Variants in PTPRD observed in about 807,000 individuals in gnomAD.
PTPRD encodes the protein receptor-type tyrosine-protein phosphatase delta.
Under a neutral mutation model 214.5 loss-of-function variants are expected in PTPRD, and 34 were observed. The ratio of observed to expected loss-of-function variants is 0.16; its 90% CI spans 0.12 to 0.21. The LOEUF is 0.21. Among genes scored for constraint, PTPRD ranks in the 10% least tolerant of loss-of-function variants. PTPRD has a pLI of 1.00. For missense variants in PTPRD, 2,545 were observed against 2,398.7 expected (o/e 1.06, Z -1.27); for synonymous variants, 1,128 against 845.7 (o/e 1.33, Z -5.79).
intron 5 of PTPRD, among the ~76,000 whole-genome samples, chr9:9,842,364 T>C (rs1391829049): frequency 1.4e-5 from 2 of 147,364 alleles, no homozygotes; most frequent in Non-Finnish European, 1.5e-5. Context: ...TGGTGCTGTG[T>C]AGTAACACTG....
intron 8 of PTPRD, among the ~76,000 whole-genome samples, chr9:9,445,028 T>C (rs1292868561): frequency 6.6e-6 from 1 of 152,148 alleles, no homozygotes; most frequent in South Asian, 2.1e-4. Context: ...TTTAAAAAAA[T>C]GAGTGAGCAA....
In PTPRD at chr9:8,691,396, GAAAAAAA is replaced by G. The variant is rs58521011; in HGVS notation, c.64+42377_64+42383del. On this transcript the variant is annotated intron_variant, in intron 12 of 45. Coordinates refer to ENST00000381196, the MANE Select transcript of PTPRD (RefSeq NM_002839.4). ...GATTCTGAGGCTGTTCTTCTCTAGA[GAAAAAAA>G]AAAAAAAATAGAAGAGTGCTATTAT... Among the ~76,000 whole-genome samples the G allele has an allele frequency of 3.5e-5, 4 of 113,710 alleles. No individual in the cohort carries two copies. In the East Asian group the frequency reaches 9.8e-4, roughly 28 times the overall value. The allele number at this position is 113,710 out of a possible 152,430, so 74.6% of individuals were successfully genotyped here. A position where few individuals can be genotyped will look rare whatever the true frequency, so the allele number is the denominator to read the frequency against.
chr9:8,554,973 A>T (rs554022695), intron 14 of PTPRD, among the ~76,000 whole-genome samples: 33 of 147,798 alleles, frequency 2.2e-4, no homozygotes, highest in Admixed American at 2.0e-3. Context: ...TGAAAATCCA[A>T]TTATGTATAT....
At chr9:9,219,779 G>C (rs2099954610) in intron 9 of PTPRD, among the ~76,000 whole-genome samples, 1 of 152,026 alleles carries the variant, frequency 6.6e-6, no homozygotes, top group African/African-American at 2.4e-5. Context: ...TCCACCCTGA[G>C]AGTTCTACAC....
At chr9:9,171,167 G>A (rs1569558043) in intron 10 of PTPRD, among the ~76,000 whole-genome samples, 2 of 152,088 alleles carry the variant, frequency 1.3e-5, no homozygotes, top group African/African-American at 2.4e-5. Flanking sequence ...AGGGTTGAGT[G>A]TGCTTATCAT....
At chr9:10,121,104 T>G (rs1197586615) in intron 3 of PTPRD, among the ~76,000 whole-genome samples, 4 of 152,176 alleles carry the variant, frequency 2.6e-5, no homozygotes, top group African/African-American at 9.6e-5. Flanking sequence ...CCTTTAATAT[T>G]TCAATATTCT....
At chr9:9,448,030 G>A (rs1335637194) in intron 8 of PTPRD, among the ~76,000 whole-genome samples, 2 of 152,014 alleles carry the variant, frequency 1.3e-5, no homozygotes, top group Non-Finnish European at 2.9e-5. Context: ...GGAGTAGCAC[G>A]AACTGACTTG....
intron 4 of PTPRD, among the ~76,000 whole-genome samples, chr9:9,988,561 A>T (rs1737662674): frequency 6.6e-6 from 1 of 152,164 alleles, no homozygotes. Flanking sequence ...GCCAGACCTA[A>T]ATCTGTCAAC....
At chr9:9,603,189 G>A (rs73641331) in intron 7 of PTPRD, among the ~76,000 whole-genome samples, 2,703 of 152,164 alleles carry the variant, frequency 0.018, 69 homozygotes, top group African/African-American at 0.061. Flanking sequence ...TAAACATTAA[G>A]ACTGAACATA....
intron 7 of PTPRD, among the ~76,000 whole-genome samples, chr9:9,719,553 C>CT (rs59119045): frequency 0.45 from 68,218 of 151,580 alleles, 18,657 homozygotes; most frequent in African/African-American, 0.77. Flanking sequence ...AGCAGCGAGG[C>CT]AAGCCAGCCC....
At chr9:10,140,080 T>C (rs1218461049) in intron 3 of PTPRD, among the ~76,000 whole-genome samples, 1 of 151,998 alleles carries the variant, frequency 6.6e-6, no homozygotes, top group Non-Finnish European at 1.5e-5. Context: ...CAAGAGAGTT[T>C]CTCTTGATGT....
At chr9:9,813,233 G>A (rs1363351680) in intron 5 of PTPRD, among the ~76,000 whole-genome samples, 1 of 151,908 alleles carries the variant, frequency 6.6e-6, no homozygotes, top group East Asian at 1.9e-4. Context: ...TTTTACATCT[G>A]AAGAAACTAG....
intron 4 of PTPRD, among the ~76,000 whole-genome samples, chr9:9,978,283 C>A (rs1328762604): frequency 6.6e-6 from 1 of 151,744 alleles, no homozygotes; most frequent in South Asian, 2.1e-4. Context: ...CTATGTGAAA[C>A]CTGTTGACAA....
chr9:9,686,816 G>A (rs2097174048), intron 7 of PTPRD, among the ~76,000 whole-genome samples: 1 of 151,666 alleles, frequency 6.6e-6, no homozygotes, highest in Non-Finnish European at 1.5e-5. Flanking sequence ...GATACTCTTA[G>A]AAGTTATCAT....
chr9:10,072,138 A>C (rs2098033619), intron 3 of PTPRD, among the ~76,000 whole-genome samples: 1 of 152,040 alleles, frequency 6.6e-6, no homozygotes. Flanking sequence ...ATATACAATA[A>C]TTCTTAAAAC....
intron 2 of PTPRD, among the ~76,000 whole-genome samples, chr9:10,399,012 T>G (rs181531899): frequency 2.0e-4 from 31 of 152,132 alleles, no homozygotes; most frequent in Non-Finnish European, 1.5e-5. Context: ...GTCTAATAAA[T>G]GTCAGACTGA....
chr9:9,316,948 T>G (rs1434147021), intron 9 of PTPRD, among the ~76,000 whole-genome samples: 1 of 152,166 alleles, frequency 6.6e-6, no homozygotes, highest in African/African-American at 2.4e-5. Flanking sequence ...GTCACTTATA[T>G]AGGAATCTGC....
At chr9:9,924,112 T>A (rs991634209) in intron 5 of PTPRD, among the ~76,000 whole-genome samples, 4 of 152,000 alleles carry the variant, frequency 2.6e-5, no homozygotes, top group Non-Finnish European at 5.9e-5. Context: ...GTCATAATCA[T>A]GTAAATAGGA....
rs1209234494 is a variant in PTPRD, at chr9:9,395,196, A to AG, written c.-203+2252_-203+2253insC. ...TCCCAGGAACATGAAACAAAAAAAA[A>AG]AAAAAGTATGGGGTCTAATAGGTCC... On this transcript the variant is annotated intron_variant, in intron 9 of 45. Transcript: ENST00000381196. Among the ~76,000 whole-genome samples, 19 of 151,834 alleles carry AG rather than the reference A, an allele frequency of 1.3e-4. 1 individual carries two copies. In the Admixed American group the frequency reaches 1.3e-3, roughly 10 times the overall value.
Sources: gnomAD v4.1 joint callset for allele counts (sites outside exome capture counted in the v4.1 genomes callset) on GRCh38, gnomAD v4.1.1 for gene constraint, MANE v1.5 for transcripts, NCBI Gene and HGNC (gene_info 2026-07-23, HGNC 2026-07-21) for gene names.